The following RANBP2 variants were observed in gnomAD, a reference collection of about 807,000 sequenced individuals.
The protein encoded by RANBP2 is RAN binding protein 2, also known as E3 SUMO-protein ligase RanBP2.
A neutral mutation model predicts 303.6 loss-of-function variants in RANBP2; 57 were observed. The ratio of observed to expected loss-of-function variants is 0.19; its 90% confidence interval spans 0.15 to 0.23. The LOEUF is 0.23. Ranked by LOEUF, RANBP2 falls within the 10% of genes least tolerant of loss-of-function variation. RANBP2 has a pLI of 1.00. For missense variants in RANBP2, 3,138 were observed against 3,780.8 expected (o/e 0.83, Z 4.46); for synonymous variants, 1,167 against 1,301.5 (o/e 0.90, Z 2.23).
chr2:109,138,536 C>G, the RANBP2 span, among the ~76,000 whole-genome samples: 1 of 152,210 alleles, frequency 6.6e-6, no homozygotes, highest in Non-Finnish European at 1.5e-5. Context: ...TTCTGGACTT[C>G]ATGTATTGTA....
chr2:109,007,859 A>G, the RANBP2 span, among the ~76,000 whole-genome samples: 1 of 106,096 alleles, frequency 9.4e-6, no homozygotes, highest in Non-Finnish European at 1.9e-5. Flanking sequence ...GCCTTCTTGC[A>G]TGCTCACATA....
the RANBP2 span, among the ~76,000 whole-genome samples, chr2:108,893,197 A>G: frequency 9.2e-6 from 1 of 108,614 alleles, no homozygotes; most frequent in Admixed American, 1.1e-4. Context: ...TTTCCTTTAT[A>G]TTTTCCTTTT....
the RANBP2 span, among the ~76,000 whole-genome samples, chr2:109,630,080 C>T: frequency 1.3e-5 from 2 of 152,056 alleles, no homozygotes; most frequent in African/African-American, 2.4e-5. Flanking sequence ...CAAAGTGACA[C>T]TAAGGTTTAG....
At chr2:109,545,678 T>C in the RANBP2 span, 11 of 1,467,594 alleles carry the variant, frequency 7.5e-6, no homozygotes, top group Non-Finnish European at 9.9e-6. Context: ...TATTTAGACA[T>C]GAAATTCAAA....
At chr2:109,725,617 G>A in the RANBP2 span, among the ~76,000 whole-genome samples, 3 of 152,208 alleles carry the variant, frequency 2.0e-5, no homozygotes, top group African/African-American at 7.2e-5. Context: ...TCTTCTTGCT[G>A]AGGACTCTCG....
At chr2:109,112,352 G>A in the RANBP2 span, among the ~76,000 whole-genome samples, 1 of 151,418 alleles carries the variant, frequency 6.6e-6, no homozygotes, top group Non-Finnish European at 1.5e-5. Context: ...GTATCTCATT[G>A]TGGTTTTGAT....
chr2:109,632,382 A>AG, the RANBP2 span, among the ~76,000 whole-genome samples: 1 of 152,160 alleles, frequency 6.6e-6, no homozygotes, highest in Non-Finnish European at 1.5e-5. Flanking sequence ...GAAGGGGACT[A>AG]GGGGTCTGTG....
chr2:108,975,047 G>A, the RANBP2 span, among the ~76,000 whole-genome samples: 2 of 152,164 alleles, frequency 1.3e-5, no homozygotes, highest in Non-Finnish European at 2.9e-5. Context: ...GGGAAACCAC[G>A]GCCCCATTGT....
chr2:109,066,509 T>C, the RANBP2 span, among the ~76,000 whole-genome samples: 1 of 152,128 alleles, frequency 6.6e-6, no homozygotes, highest in Non-Finnish European at 1.5e-5. Flanking sequence ...CACTCAGCAG[T>C]GTTGTGGGGG....
At chr2:109,608,363 G>A in the RANBP2 span, among the ~76,000 whole-genome samples, 13 of 152,100 alleles carry the variant, frequency 8.5e-5, no homozygotes, top group South Asian at 2.1e-4. Context: ...TATGTAACAC[G>A]CACTCTAAGA....
At chr2:109,293,021 C>T in the RANBP2 span, among the ~76,000 whole-genome samples, 5 of 152,166 alleles carry the variant, frequency 3.3e-5, no homozygotes, top group Non-Finnish European at 5.9e-5. Context: ...CGTGAGGCAC[C>T]GCACCCCAAT....
the RANBP2 span, among the ~76,000 whole-genome samples, chr2:109,303,346 G>T: frequency 3.3e-5 from 5 of 152,230 alleles, no homozygotes; most frequent in African/African-American, 1.2e-4. Context: ...CAAGGTGTGC[G>T]TTCAGTTGAA....
At chr2:109,622,824 G>T in the RANBP2 span, among the ~76,000 whole-genome samples, 1 of 152,158 alleles carries the variant, frequency 6.6e-6, no homozygotes, top group African/African-American at 2.4e-5. Flanking sequence ...CCCACTAAAA[G>T]AATTTTGATA....
At chr2:109,002,296 G>A in the RANBP2 span, among the ~76,000 whole-genome samples, 16 of 152,178 alleles carry the variant, frequency 1.1e-4, no homozygotes, top group African/African-American at 3.9e-4. Flanking sequence ...GGTTCCTTAC[G>A]CTTGTGAGCC....
At chr2:109,565,951 A>G in the RANBP2 span, 2 of 1,145,598 alleles carry the variant, frequency 1.7e-6, no homozygotes, top group African/African-American at 3.1e-5. Context: ...GAATAATTAA[A>G]TAACAAACCT....
At chr2:109,649,614 T>G in the RANBP2 span, among the ~76,000 whole-genome samples, 1 of 152,102 alleles carries the variant, frequency 6.6e-6, no homozygotes, top group African/African-American at 2.4e-5. Context: ...GCCAGACTGG[T>G]CTCAAACTCC....
chr2:108,744,024 C>T (rs544395676), intron 7 of RANBP2, among the ~76,000 whole-genome samples: 1 of 152,308 alleles, frequency 6.6e-6, no homozygotes, highest in East Asian at 1.9e-4. Context: ...TTTTCAGACT[C>T]TTAATCAGAG....
the RANBP2 span, among the ~76,000 whole-genome samples, chr2:109,275,112 G>A: frequency 2.6e-5 from 4 of 152,046 alleles, no homozygotes; most frequent in African/African-American, 9.7e-5. Context: ...TGTGTTCCAC[G>A]CTTGTCTGCC....
chr2:108,755,634 C>G (rs1224339443), intron 17 of RANBP2, among the ~76,000 whole-genome samples: 1 of 151,708 alleles, frequency 6.6e-6, no homozygotes, highest in African/African-American at 2.4e-5. Flanking sequence ...CTCAAAGAAT[C>G]CTCCTGCTTC....
Sources: allele counts gnomAD v4.1 joint callset (sites outside exome capture counted in the v4.1 genomes callset), GRCh38; gene constraint gnomAD v4.1.1; transcripts MANE v1.5; gene names NCBI Gene and HGNC (gene_info 2026-07-23, HGNC 2026-07-21).